Variants in CNTNAP5 observed in about 807,000 individuals in gnomAD.
CNTNAP5 encodes the protein contactin associated protein family member 5.
In CNTNAP5, 72 loss-of-function variants were observed where a neutral mutation model predicts 150.2. The ratio of observed to expected loss-of-function variants is 0.48; its 90% CI spans 0.40 to 0.58. The LOEUF (loss-of-function observed/expected upper bound fraction) is 0.58, where lower values mean the gene tolerates loss of function less well. CNTNAP5 is among the 20% of genes least tolerant of loss of function. CNTNAP5 has a pLI of 0.00. For synonymous variants in CNTNAP5, 672 were observed against 619.8 expected (o/e 1.08, Z -1.25); for missense variants, 1,636 against 1,626.2 (o/e 1.01, Z -0.10).
chr2:124,301,836 C>G (rs140174422), intron 3 of CNTNAP5, among the ~76,000 whole-genome samples: 1 of 152,140 alleles, frequency 6.6e-6, no homozygotes, highest in African/African-American at 2.4e-5. Flanking sequence ...TGACTCCTTA[C>G]GGGAAAATGT....
At chr2:124,517,036 G>A (rs1252072098) in intron 8 of CNTNAP5, among the ~76,000 whole-genome samples, 2 of 152,194 alleles carry the variant, frequency 1.3e-5, no homozygotes, top group East Asian at 3.9e-4. Flanking sequence ...ATGTGCTGTT[G>A]GTGATGGGGA....
intron 3 of CNTNAP5, among the ~76,000 whole-genome samples, chr2:124,405,425 T>C (rs1691545358): frequency 6.6e-6 from 1 of 152,084 alleles, no homozygotes; most frequent in African/African-American, 2.4e-5. Flanking sequence ...GCCACTGCAA[T>C]TACTTGGTTG....
At chr2:124,195,381 G>A (rs1302798182) in intron 1 of CNTNAP5, among the ~76,000 whole-genome samples, 1 of 152,172 alleles carries the variant, frequency 6.6e-6, no homozygotes, top group African/African-American at 2.4e-5. Flanking sequence ...TGCGCAGGGG[G>A]CTGCCAACTT....
intron 10 of CNTNAP5, among the ~76,000 whole-genome samples, chr2:124,557,328 TAA>T (rs59366701): frequency 1.3e-5 from 2 of 150,006 alleles, no homozygotes; most frequent in East Asian, 2.0e-4. Flanking sequence ...TCTCACCTCT[TAA>T]AAAAAAAACA....
intron 19 of CNTNAP5, among the ~76,000 whole-genome samples, chr2:124,826,307 A>G (rs1253394692): frequency 6.6e-6 from 1 of 152,152 alleles, no homozygotes; most frequent in Non-Finnish European, 1.5e-5. Context: ...TAAGTTTCAC[A>G]GCCTTTCTTA....
At chr2:124,107,276 T>C (rs1683190068) in intron 1 of CNTNAP5, among the ~76,000 whole-genome samples, 1 of 152,234 alleles carries the variant, frequency 6.6e-6, no homozygotes, top group Admixed American at 6.5e-5. Flanking sequence ...CCACTGCGTC[T>C]ATCTTTGTCC....
intron 11 of CNTNAP5, among the ~76,000 whole-genome samples, chr2:124,572,708 C>T (rs889174894): frequency 6.6e-6 from 1 of 152,124 alleles, no homozygotes; most frequent in Admixed American, 6.6e-5. Context: ...GTGGTGAATA[C>T]ATGTCATCTC....
At chr2:124,305,946 GTC>G (rs1371936967) in intron 3 of CNTNAP5, among the ~76,000 whole-genome samples, 3 of 152,108 alleles carry the variant, frequency 2.0e-5, no homozygotes, top group African/African-American at 7.2e-5. Context: ...GCCTATATAT[GTC>G]TCTGCTCAGT....
chr2:124,196,203 G>A (rs1030708329), intron 1 of CNTNAP5, among the ~76,000 whole-genome samples: 28 of 152,080 alleles, frequency 1.8e-4, no homozygotes, highest in African/African-American at 6.3e-4. Context: ...GAGCTGTCAC[G>A]CAATGAAAGT....
chr2:124,687,929 T>TTTGA (rs1679224892), intron 13 of CNTNAP5, among the ~76,000 whole-genome samples: 8 of 152,254 alleles, frequency 5.3e-5, no homozygotes, highest in Admixed American at 5.2e-4. Flanking sequence ...TTGAAGAATT[T>TTTGA]ATTCAAGTAC....
intron 3 of CNTNAP5, among the ~76,000 whole-genome samples, chr2:124,276,203 G>A (rs1193765038): frequency 1.3e-5 from 2 of 152,082 alleles, no homozygotes; most frequent in Non-Finnish European, 1.5e-5. Context: ...TTTACCTTGT[G>A]TGATATAATA....
intron 2 of CNTNAP5, among the ~76,000 whole-genome samples, chr2:124,226,681 C>A (rs933786238): frequency 1.3e-5 from 2 of 151,952 alleles, no homozygotes; most frequent in Non-Finnish European, 2.9e-5. Flanking sequence ...GTTTCTTATA[C>A]AAGAATAGCT....
In CNTNAP5 at chr2:124,417,674, A is replaced by G; in HGVS notation, c.529+84A>G. 5 of 1,284,420 alleles carry G rather than the reference A, an allele frequency of 3.9e-6. No individual in the cohort carries two copies. In the South Asian group the frequency reaches 7.3e-5, roughly 19 times the overall value. 79.6% of individuals were successfully genotyped at this position (1,284,420 alleles called of 1,614,324 possible). ...CATCAGTTTATCTACATTGAGATTG[A>G]CAATCATCTTATTTTAAAGTTGTTT... is the stretch of plus-strand genomic sequence containing the variant. On this transcript the variant is annotated intron_variant, in intron 4 of 23. Transcript: ENST00000682447.
At chr2:124,479,767 A>T (rs1693724080) in intron 7 of CNTNAP5, among the ~76,000 whole-genome samples, 2 of 152,202 alleles carry the variant, frequency 1.3e-5, no homozygotes, top group Non-Finnish European at 2.9e-5. Flanking sequence ...AAGCATCCTC[A>T]ATAAAATCAT....
At chr2:124,204,414 C>G (rs1197530424) in intron 1 of CNTNAP5, among the ~76,000 whole-genome samples, 1 of 152,154 alleles carries the variant, frequency 6.6e-6, no homozygotes, top group Non-Finnish European at 1.5e-5. Flanking sequence ...CTTCTGAGCC[C>G]TCCGAACTGT....
chr2:124,828,150 T>A (rs1457094998), intron 19 of CNTNAP5, among the ~76,000 whole-genome samples: 2 of 152,132 alleles, frequency 1.3e-5, no homozygotes, highest in African/African-American at 2.4e-5. Flanking sequence ...TTTTCAAAGG[T>A]TGTAAAGTTT....
chr2:124,187,561 G>C (rs933146327), intron 1 of CNTNAP5, among the ~76,000 whole-genome samples: 29 of 152,166 alleles, frequency 1.9e-4, no homozygotes, highest in African/African-American at 7.0e-4. Flanking sequence ...ATAATTTTGG[G>C]ATATGAAAGA....
At chr2:124,660,960 A>G (rs1417066492) in intron 13 of CNTNAP5, among the ~76,000 whole-genome samples, 1 of 146,040 alleles carries the variant, frequency 6.8e-6, no homozygotes, top group African/African-American at 2.6e-5. Flanking sequence ...AAAAAAAAAA[A>G]AAGAAAAAGA....
At chr2:124,638,788 T>C (rs1235841522) in intron 12 of CNTNAP5, among the ~76,000 whole-genome samples, 1 of 152,248 alleles carries the variant, frequency 6.6e-6, no homozygotes, top group Non-Finnish European at 1.5e-5. Context: ...TGTGCATCAA[T>C]ACCTTGATTT....
Sources: allele counts gnomAD v4.1 joint callset (sites outside exome capture counted in the v4.1 genomes callset), GRCh38; gene constraint gnomAD v4.1.1; transcripts MANE v1.5; gene names NCBI Gene and HGNC (gene_info 2026-07-23, HGNC 2026-07-21).